Variants in SAMD12 observed in about 807,000 individuals in gnomAD.
SAMD12 encodes the protein sterile alpha motif domain-containing protein 12.
A neutral mutation model predicts 15.0 loss-of-function variants in SAMD12; 9 were observed. That is an observed-to-expected ratio of 0.60 (90% CI 0.36 to 1.05). The LOEUF (loss-of-function observed/expected upper bound fraction) is 1.05, where lower values mean the gene tolerates loss of function less well. Ranked by LOEUF, SAMD12 falls within the 50% of genes least tolerant of loss-of-function variation. SAMD12 has a pLI of 0.01. For synonymous variants in SAMD12, 86 were observed against 90.1 expected (o/e 0.96, Z 0.25); for missense variants, 230 against 234.2 (o/e 0.98, Z 0.12).
exon 5 of SAMD12, chr8:118,196,964 G>A (rs1046497344): frequency 1.3e-5 from 2 of 151,944 alleles, no homozygotes; most frequent in African/African-American, 4.8e-5. Flanking sequence ...TAAACCAGTT[G>A]TTCAATAAAG....
intron 4 of SAMD12, among the ~76,000 whole-genome samples, chr8:118,256,733 T>A (rs1011673189): frequency 6.6e-6 from 1 of 151,208 alleles, no homozygotes; most frequent in Non-Finnish European, 1.5e-5. Context: ...TAAATGATTA[T>A]AAAATGGGCA....
intron 2 of SAMD12, among the ~76,000 whole-genome samples, chr8:118,460,723 G>C (rs1049536222): frequency 6.6e-6 from 1 of 152,188 alleles, no homozygotes; most frequent in Non-Finnish European, 1.5e-5. Flanking sequence ...AGCTGGAGTA[G>C]AGCAGAGATG....
chr8:118,550,601 T>G (rs971365028), intron 2 of SAMD12, among the ~76,000 whole-genome samples: 8 of 152,096 alleles, frequency 5.3e-5, no homozygotes, highest in African/African-American at 1.9e-4. Context: ...CCATCAAGAC[T>G]AGGAAGAAAC....
intron 2 of SAMD12, among the ~76,000 whole-genome samples, chr8:118,540,608 A>G (rs1442871850): frequency 1.3e-5 from 2 of 152,178 alleles, no homozygotes; most frequent in Non-Finnish European, 2.9e-5. Context: ...TAAACATATC[A>G]GAGGAATTAA....
chr8:118,271,091 G>A (rs909688654), intron 4 of SAMD12, among the ~76,000 whole-genome samples: 1 of 152,032 alleles, frequency 6.6e-6, no homozygotes, highest in Non-Finnish European at 1.5e-5. Flanking sequence ...GGCTAAGAGG[G>A]GGTATATTAG....
intron 2 of SAMD12, among the ~76,000 whole-genome samples, chr8:118,466,520 A>C (rs1183367729): frequency 6.6e-6 from 1 of 152,216 alleles, no homozygotes; most frequent in Non-Finnish European, 1.5e-5. Flanking sequence ...TCCAGCCTAT[A>C]GTAGGCATAC....
the SAMD12 span, among the ~76,000 whole-genome samples, chr8:118,137,694 AT>A: frequency 6.6e-6 from 1 of 152,198 alleles, no homozygotes; most frequent in Admixed American, 6.5e-5. Flanking sequence ...CCTGGACCAC[AT>A]TGGAAGAAGA....
chr8:118,319,465 G>A (rs1033191474), intron 4 of SAMD12, among the ~76,000 whole-genome samples: 1 of 152,182 alleles, frequency 6.6e-6, no homozygotes, highest in Non-Finnish European at 1.5e-5. Context: ...CTGAGAAGGA[G>A]AGGAAACCAC....
At chr8:118,585,664 G>C (rs1273184075) in intron 1 of SAMD12, among the ~76,000 whole-genome samples, 1 of 152,028 alleles carries the variant, frequency 6.6e-6, no homozygotes, top group Non-Finnish European at 1.5e-5. Flanking sequence ...AAAAGTATGA[G>C]GTTACTTCAG....
chr8:118,557,620 T>G (rs1048251565), intron 2 of SAMD12, among the ~76,000 whole-genome samples: 1 of 152,248 alleles, frequency 6.6e-6, no homozygotes, highest in Non-Finnish European at 1.5e-5. Context: ...GACTTTTTCA[T>G]GTAGCTAATA....
intron 2 of SAMD12, among the ~76,000 whole-genome samples, chr8:118,542,802 T>C (rs962777415): frequency 2.0e-5 from 3 of 152,226 alleles, no homozygotes; most frequent in African/African-American, 4.8e-5. Flanking sequence ...ATCTTGTGCA[T>C]GTAAAATAAA....
chr8:118,614,356 G>A (rs888232341), intron 1 of SAMD12, among the ~76,000 whole-genome samples: 1 of 152,158 alleles, frequency 6.6e-6, no homozygotes, highest in Non-Finnish European at 1.5e-5. Flanking sequence ...GAGTCTCAGA[G>A]CTGTTGAGTG....
rs779680592 is a variant in SAMD12, at chr8:118,621,941, GC to G, written c.-126del. ...CGCTTATCTGCTCCAGGACCAACCT[GC>G]CGCGGTCACGCAAAGCGAGGCAGCC... On this transcript the variant is annotated 5_prime_UTR_variant, in exon 1 of 4. Transcript: ENST00000314727. 1 of 1,204,872 alleles carries G rather than the reference GC, an allele frequency of 8.3e-7. No homozygotes were observed. Among genetic ancestry groups the G allele is most frequent in the Non-Finnish European group, 1.2e-6 (1 of 810,742 alleles). 74.6% of individuals were successfully genotyped at this position (1,204,872 alleles called of 1,614,324 possible).
intron 4 of SAMD12, among the ~76,000 whole-genome samples, chr8:118,297,251 T>C (rs994139715): frequency 1.3e-5 from 2 of 152,218 alleles, no homozygotes; most frequent in African/African-American, 4.8e-5. Flanking sequence ...GTTGATTTCA[T>C]GACTGGTTTA....
chr8:118,284,597 T>G (rs1322572491), intron 4 of SAMD12: 1 of 288,530 alleles, frequency 3.5e-6, no homozygotes, highest in African/African-American at 2.3e-5. Flanking sequence ...GTGACATATA[T>G]ACATACAGCA....
downstream of SAMD12, among the ~76,000 whole-genome samples, chr8:118,377,451 G>A (rs1001102353): frequency 2.0e-5 from 3 of 151,878 alleles, no homozygotes; most frequent in Non-Finnish European, 4.4e-5. Context: ...CAATAAAAAA[G>A]GTAATATCAG....
chr8:118,437,724 C>CT (rs1317731258), intron 3 of SAMD12, among the ~76,000 whole-genome samples: 2 of 152,102 alleles, frequency 1.3e-5, no homozygotes, highest in Non-Finnish European at 2.9e-5. Context: ...CATACGACAA[C>CT]TTTTTTAAAT....
At chr8:118,349,888 G>C (rs1379450594) in intron 4 of SAMD12, among the ~76,000 whole-genome samples, 2 of 152,172 alleles carry the variant, frequency 1.3e-5, no homozygotes, top group Non-Finnish European at 2.9e-5. Context: ...AGTACCTTGG[G>C]AAGCTAAGCT....
the SAMD12 span, among the ~76,000 whole-genome samples, chr8:118,132,972 G>A: frequency 0.063 from 3,000 of 47,678 alleles, 204 homozygotes; most frequent in Middle Eastern, 0.12. Context: ...GTGTGTGTGT[G>A]TATATATATA....
Sources: gnomAD v4.1 joint callset for allele counts (sites outside exome capture counted in the v4.1 genomes callset) on GRCh38, gnomAD v4.1.1 for gene constraint, MANE v1.5 for transcripts, NCBI Gene and HGNC (gene_info 2026-07-23, HGNC 2026-07-21) for gene names.